Variants in APOH observed in about 807,000 individuals in gnomAD.
The protein encoded by APOH is apolipoprotein H, also known as beta-2-glycoprotein 1.
In APOH, 48 loss-of-function variants were observed where a neutral mutation model predicts 39.8. The ratio of observed to expected loss-of-function variants is 1.21; its 90% CI spans 0.96 to 1.54. The LOEUF is 1.54. Among genes scored for constraint, APOH ranks in the 40% most tolerant of loss-of-function variants. APOH has a pLI of 0.00. For synonymous variants in APOH, 153 were observed against 151.1 expected (o/e 1.01, Z -0.09); for missense variants, 415 against 421.2 (o/e 0.99, Z 0.13).
chr17:66,217,338 G>C (rs1368886150), intron 5 of APOH, among the ~76,000 whole-genome samples: 2 of 129,918 alleles, frequency 1.5e-5, no homozygotes, highest in African/African-American at 3.1e-5. Context: ...AAAATGCAAA[G>C]ACTGAACCCC....
chr17:66,217,043 T>A, intron 5 of APOH, 76 bp from the exon 6 acceptor site: 1 of 1,220,036 alleles, frequency 8.2e-7, no homozygotes, highest in African/African-American at 1.5e-5. Flanking sequence ...TACATCCTTG[T>A]CTCTGTCACA....
intron 3 of APOH, among the ~76,000 whole-genome samples, chr17:66,223,983 C>T (rs932525955): frequency 2.0e-5 from 3 of 152,202 alleles, no homozygotes; most frequent in African/African-American, 7.2e-5. Flanking sequence ...GGTTCCACAG[C>T]TGGTGAGTGG....
chr17:66,216,784 A>G lies in APOH; in HGVS notation c.784+4T>C. ...CTTACAGGACCTCGCCTATATTTCCATACCTTTACAACTTGGCATGGCAGA... is the reference window on the plus strand; with the variant it reads ...CTTACAGGACCTCGCCTATATTTCCGTACCTTTACAACTTGGCATGGCAGA... On this transcript the variant is annotated splice_donor_region_variant and intron_variant, in intron 6 of 7. Coordinates refer to ENST00000205948, the MANE Select transcript of APOH (RefSeq NM_000042.3). 4 of 1,587,554 alleles carry G rather than the reference A, an allele frequency of 2.5e-6. No individual in the cohort carries two copies. Among genetic ancestry groups the G allele is most frequent in the Non-Finnish European group, 3.4e-6 (4 of 1,169,082 alleles).
chr17:66,217,183 T>A (rs1209043462), intron 5 of APOH, among the ~76,000 whole-genome samples: 2 of 152,176 alleles, frequency 1.3e-5, no homozygotes, highest in African/African-American at 4.8e-5. Flanking sequence ...ACTTTGAAAG[T>A]AAATTAATGA....
intron 1 of APOH, 71 bp from the exon 2 acceptor site, chr17:66,228,267 ATG>A: frequency 6.6e-7 from 1 of 1,519,094 alleles, no homozygotes; most frequent in South Asian, 1.2e-5. Flanking sequence ...AAGCCCACAA[ATG>A]AAAAATGTGT....
At chr17:66,221,210 G>A (rs1190944063) in intron 4 of APOH, among the ~76,000 whole-genome samples, 5 of 132,042 alleles carry the variant, frequency 3.8e-5, no homozygotes, top group African/African-American at 5.7e-5. Flanking sequence ...AAAGAAAGAA[G>A]GAAGGAAATA....
At chr17:66,214,716 G>A in intron 6 of APOH, 66 bp from the exon 7 acceptor site, 4 of 1,426,774 alleles carry the variant, frequency 2.8e-6, no homozygotes, top group South Asian at 1.2e-5. Flanking sequence ...AGAGAGTATA[G>A]CATTTGAAAC....
At chr17:66,218,678 T>C (rs1463579258) in intron 5 of APOH, among the ~76,000 whole-genome samples, 1 of 152,198 alleles carries the variant, frequency 6.6e-6, no homozygotes, top group Non-Finnish European at 1.5e-5. Flanking sequence ...GCCTGTACTC[T>C]TCAAAAATGT....
chr17:66,222,840 G>A (rs1245967880), intron 4 of APOH, among the ~76,000 whole-genome samples: 4 of 152,140 alleles, frequency 2.6e-5, no homozygotes, highest in Non-Finnish European at 4.4e-5. Context: ...CAAAGTGCTG[G>A]CATTACAGGC....
chr17:66,213,451 C>T (rs1040886465), intron 7 of APOH, among the ~76,000 whole-genome samples: 3 of 152,192 alleles, frequency 2.0e-5, no homozygotes, highest in South Asian at 4.1e-4. Flanking sequence ...GATCTTTAGA[C>T]CAATTATCAT....
At chr17:66,214,194 C>T (rs573751824) in intron 7 of APOH, among the ~76,000 whole-genome samples, 4 of 152,122 alleles carry the variant, frequency 2.6e-5, no homozygotes, top group East Asian at 1.9e-4. Flanking sequence ...CAAGTAGCTG[C>T]GATTACAGGC....
rs1415212365 is a variant in APOH at position 66,220,707 on chromosome 17, C to T, written c.451G>A (p.Ala151Thr). Residue 151 changes from alanine (A) to threonine (T), a missense_variant, in exon 5 of 8, where the codon GCA becomes ACA. Ala to Thr is a moderately conservative substitution (Grantham distance 58). Transcript: ENST00000205948. ...GATGGCTTATAAACACGAAGTGTTGCAAACGTAGGTATGGATGGTGGAGGG... is the reference window on the plus strand; with the variant it reads ...GATGGCTTATAAACACGAAGTGTTGTAAACGTAGGTATGGATGGTGGAGGG... Reference protein sequence around the residue: ...ICPPPSIPTFATLRVYKPSAG... With the variant: ...ICPPPSIPTFTTLRVYKPSAG... The T allele has an allele frequency of 6.2e-7, 1 of 1,613,710 alleles. No homozygotes were observed. The highest frequency in any genetic ancestry group is 8.5e-7 in the Non-Finnish European group (1 of 1,179,884).
intron 4 of APOH, among the ~76,000 whole-genome samples, chr17:66,222,041 A>G (rs551453569): frequency 1.3e-5 from 2 of 152,184 alleles, no homozygotes; most frequent in Non-Finnish European, 2.9e-5. Context: ...AGAAATACTC[A>G]TTTAAATTAG....
chr17:66,212,119 A>G lies in APOH; in HGVS notation c.*14T>C, dbSNP rs1362510568. On this transcript the variant is annotated 3_prime_UTR_variant, in exon 8 of 8. Transcript: ENST00000205948. ...AAACAAGTGTGACATTTTGTGTGGA[A>G]TCTGAAAACCACCTTAGCATGGCTT... 1 of 1,609,462 alleles carries G rather than the reference A, an allele frequency of 6.2e-7. No individual in the cohort carries two copies. The highest frequency in any genetic ancestry group is 1.3e-5 in the African/African-American group (1 of 74,814).
chr17:66,214,790 G>A (rs918607068), intron 6 of APOH, 140 bp from the exon 7 acceptor site: 4 of 677,324 alleles, frequency 5.9e-6, no homozygotes, highest in Non-Finnish European at 1.0e-5. Context: ...TATATAGTAA[G>A]TAATGGTAAT....
chr17:66,217,958 A>G (rs1276163501), intron 5 of APOH, among the ~76,000 whole-genome samples: 1 of 152,110 alleles, frequency 6.6e-6, no homozygotes, highest in Non-Finnish European at 1.5e-5. Flanking sequence ...AAAAATAAGA[A>G]TCCATGTGTC....
In APOH at chr17:66,214,611, T is replaced by C. The variant is rs1214075586; in HGVS notation, c.824A>G (p.Tyr275Cys). The C allele has an allele frequency of 1.4e-5, 22 of 1,613,940 alleles. No homozygotes were observed. Among genetic ancestry groups the C allele is most frequent in the Non-Finnish European group, 1.6e-5 (19 of 1,179,928 alleles). ...KVPVKKATVV[Y>C]QGERVKIQEK... ...CTGAATCTTTACTCTCTCTCCTTGG[T>C]ACACCACAGTGGCTTTTTTCACAGG... is the stretch of plus-strand genomic sequence containing the variant. The change falls in exon 7 of 8, where the codon TAC becomes TGC. Residue 275 changes from tyrosine to cysteine, a missense_variant. By Grantham distance (194) the Tyr-to-Cys change is radical (BLOSUM62 -2). Coordinates refer to ENST00000205948, the MANE Select transcript of APOH (RefSeq NM_000042.3).
intron 3 of APOH, among the ~76,000 whole-genome samples, chr17:66,225,590 G>A (rs2073434417): frequency 6.6e-6 from 1 of 152,204 alleles, no homozygotes; most frequent in African/African-American, 2.4e-5. Context: ...TAATTAATCA[G>A]GAGCAGAAAA....
rs1388681248 is a variant in APOH at position 66,216,793 on chromosome 17, C to T, written c.779G>A (p.Cys260Tyr). Residue 260 changes from cysteine (C) to tyrosine (Y), a missense_variant, in exon 6 of 8, where the codon TGT becomes TAT. Cys to Tyr is a radical substitution (Grantham distance 194). This residue lies in a region of APOH where 120 missense variants were observed against 110.6 expected (regional missense o/e 1.08). Coordinates refer to ENST00000205948, the MANE Select transcript of APOH (RefSeq NM_000042.3). ...KLGNWSAMPSCKASCKVPVKK... is the reference protein window; with the variant it reads ...KLGNWSAMPSYKASCKVPVKK... ...CCTCGCCTATATTTCCATACCTTTACAACTTGGCATGGCAGACCAGTTTCC... is the reference window on the plus strand; with the variant it reads ...CCTCGCCTATATTTCCATACCTTTATAACTTGGCATGGCAGACCAGTTTCC... 6.3e-7 allele frequency: 1 copy of T among 1,596,834 alleles called. No homozygotes were observed. The highest frequency in any genetic ancestry group is 8.5e-7 in the Non-Finnish European group (1 of 1,172,950).
Sources: gnomAD v4.1 joint callset for allele counts (sites outside exome capture counted in the v4.1 genomes callset) on GRCh38, gnomAD v4.1.1 for gene constraint, gnomAD v4.1.1 regional missense constraint, MANE v1.5 for transcripts, NCBI Gene and HGNC (gene_info 2026-07-23, HGNC 2026-07-21) for gene names.